The following GTF2H1 variants were observed in gnomAD, a reference collection of about 807,000 sequenced individuals.
GTF2H1 encodes the protein general transcription factor IIH subunit 1.
A neutral mutation model predicts 71.2 loss-of-function variants in GTF2H1; 16 were observed. The observed-to-expected ratio is 0.22, with a 90% confidence interval of 0.15 to 0.34. GTF2H1 has a LOEUF of 0.34. Among genes scored for constraint, GTF2H1 ranks in the 10% least tolerant of loss-of-function variants. The pLI is 1.00. For missense variants in GTF2H1, 498 were observed against 648.2 expected (o/e 0.77, Z 2.52); for synonymous variants, 215 against 219.0 (o/e 0.98, Z 0.16).
intron 8 of GTF2H1, 42 bp from the exon 9 acceptor site, chr11:18,347,790 T>C: frequency 1.3e-6 from 2 of 1,595,030 alleles, no homozygotes; most frequent in African/African-American, 1.4e-5. Context: ...TTGTTTTGCT[T>C]GTGGTTTTTA....
chr11:18,324,069 A>G (rs34932365), intron 1 of GTF2H1, among the ~76,000 whole-genome samples: 3,266 of 143,166 alleles, frequency 0.023, 67 homozygotes, highest in Middle Eastern at 0.072. Context: ...TTTTTTTTTG[A>G]GACGGAGTTT....
At chr11:18,339,158 C>A (rs948010359) in intron 4 of GTF2H1, among the ~76,000 whole-genome samples, 1 of 152,114 alleles carries the variant, frequency 6.6e-6, no homozygotes, top group African/African-American at 2.4e-5. Context: ...TGTTTGGTAT[C>A]TTTTTTGGAT....
chr11:18,351,172 A>G (rs561435685), intron 9 of GTF2H1, among the ~76,000 whole-genome samples: 10 of 152,232 alleles, frequency 6.6e-5, no homozygotes, highest in African/African-American at 2.4e-4. Flanking sequence ...ATGTGTCTGT[A>G]ATCTCCGCAA....
At chr11:18,339,492 C>T (rs1865106355) in intron 4 of GTF2H1, 72 bp from the exon 5 acceptor site, 16 of 999,950 alleles carry the variant, frequency 1.6e-5, no homozygotes, top group Non-Finnish European at 2.3e-5. Flanking sequence ...CACCTTTGTC[C>T]AGTGTCCACT....
In GTF2H1 at chr11:18,341,398, A is replaced by G. The variant is rs1865152387; in HGVS notation, c.745A>G (p.Ile249Val). The change falls in exon 6 of 15, where the codon ATA (isoleucine) becomes GTA (valine). Residue 249 changes from isoleucine to valine, a missense_variant. Ile to Val is a conservative substitution (Grantham distance 29). This residue lies in a region of GTF2H1 where 216 missense variants were observed against 306.2 expected (regional missense o/e 0.71). Transcript: ENST00000265963. ...SKDLFAECAK[I>V]DEKGLKTMVS... ...GGATCTCTTTGCAGAATGTGCCAAA[A>G]TAGATGAAAAAGGTAACTGTTTATC... 3 of 1,613,818 alleles carry G rather than the reference A, an allele frequency of 1.9e-6. No homozygotes were observed. The highest frequency in any genetic ancestry group is 1.3e-5 in the African/African-American group (1 of 74,926).
intron 10 of GTF2H1, 65 bp from the exon 11 acceptor site, chr11:18,352,264 G>T: frequency 1.3e-6 from 1 of 764,580 alleles, no homozygotes; most frequent in Non-Finnish European, 2.3e-6. Flanking sequence ...CTAAAATGTT[G>T]CAAAGACAAA....
intron 11 of GTF2H1, among the ~76,000 whole-genome samples, chr11:18,354,285 T>C (rs1865492548): frequency 6.6e-6 from 1 of 152,248 alleles, no homozygotes. Flanking sequence ...TATTAAATTT[T>C]TTCACTTGGT....
chr11:18,337,646 T>C (rs575275947), intron 3 of GTF2H1, among the ~76,000 whole-genome samples: 4 of 152,086 alleles, frequency 2.6e-5, no homozygotes, highest in Non-Finnish European at 5.9e-5. Context: ...AATAAAAATA[T>C]AACTATTTAC....
intron 7 of GTF2H1, among the ~76,000 whole-genome samples, chr11:18,342,592 C>T (rs757839081): frequency 1.3e-5 from 2 of 152,066 alleles, no homozygotes; most frequent in Non-Finnish European, 2.9e-5. Flanking sequence ...TTTGATCATA[C>T]AGTGAGTTTT....
chr11:18,330,531 A>G (rs553123155), intron 1 of GTF2H1, among the ~76,000 whole-genome samples: 135 of 152,304 alleles, frequency 8.9e-4, no homozygotes, highest in Non-Finnish European at 3.1e-4. Context: ...GCATTTTTCT[A>G]TCCGCTGAGG....
intron 5 of GTF2H1, among the ~76,000 whole-genome samples, chr11:18,341,050 G>C (rs957657204): frequency 6.6e-6 from 1 of 152,068 alleles, no homozygotes; most frequent in Non-Finnish European, 1.5e-5. Context: ...GTGCAAATAA[G>C]GTTTTGTTTG....
chr11:18,358,743 G>T, intron 13 of GTF2H1, 103 bp downstream of exon 13: 1 of 715,496 alleles, frequency 1.4e-6, no homozygotes, highest in Non-Finnish European at 2.5e-6. Flanking sequence ...ACAGACACTG[G>T]GATAACTCTT....
chr11:18,364,372 A>G (rs1865773788), intron 14 of GTF2H1, among the ~76,000 whole-genome samples: 1 of 152,154 alleles, frequency 6.6e-6, no homozygotes, highest in Non-Finnish European at 1.5e-5. Context: ...TTCTAAACAC[A>G]TAAACACTGT....
At chr11:18,345,440 T>C (rs574764432) in intron 7 of GTF2H1, among the ~76,000 whole-genome samples, 95 of 152,072 alleles carry the variant, frequency 6.2e-4, no homozygotes, top group Admixed American at 1.2e-3. Flanking sequence ...TCCTAGCGCA[T>C]GTCATGTAGT....
intron 14 of GTF2H1, among the ~76,000 whole-genome samples, chr11:18,361,424 T>C (rs4150668): frequency 0.018 from 2,730 of 152,120 alleles, 44 homozygotes; most frequent in Non-Finnish European, 0.026. Flanking sequence ...CCCAGCACAT[T>C]GAGAGGCCAA....
intron 1 of GTF2H1, among the ~76,000 whole-genome samples, chr11:18,323,236 A>T (rs1232945700): frequency 2.0e-5 from 3 of 152,178 alleles, no homozygotes; most frequent in African/African-American, 7.2e-5. Context: ...ACCTGGATAT[A>T]TGTAATTATT....
intron 9 of GTF2H1, chr11:18,348,856 AGTAATT>A (rs1447278992): frequency 6.6e-6 from 1 of 152,160 alleles, no homozygotes; most frequent in African/African-American, 2.4e-5. Flanking sequence ...CATTTATTTC[AGTAATT>A]TAATGTTTTT....
intron 2 of GTF2H1, among the ~76,000 whole-genome samples, chr11:18,335,225 A>G (rs974070637): frequency 6.6e-6 from 1 of 152,230 alleles, no homozygotes; most frequent in Admixed American, 6.5e-5. Context: ...CACCTCAGAA[A>G]GCATATAGTG....
At chr11:18,328,212 A>C (rs1173283190) in intron 1 of GTF2H1, among the ~76,000 whole-genome samples, 1 of 148,258 alleles carries the variant, frequency 6.7e-6, no homozygotes, top group African/African-American at 2.5e-5. Flanking sequence ...CAAAAAAAAA[A>C]AAAAAAAAGA....
Sources: allele counts gnomAD v4.1 joint callset (sites outside exome capture counted in the v4.1 genomes callset), GRCh38; gene constraint gnomAD v4.1.1; regional missense constraint gnomAD v4.1.1; transcripts MANE v1.5; gene names NCBI Gene and HGNC (gene_info 2026-07-23, HGNC 2026-07-21).